Variants in BRIP1 observed in about 807,000 individuals in gnomAD.
The protein encoded by BRIP1 is BRCA1 interacting DNA helicase 1.
Under a neutral mutation model 119.7 loss-of-function variants are expected in BRIP1, and 88 were observed. That is an observed-to-expected ratio of 0.74 (90% CI 0.62 to 0.88). The LOEUF (loss-of-function observed/expected upper bound fraction) is 0.88, where lower values mean the gene tolerates loss of function less well. Among genes scored for constraint, BRIP1 ranks in the 40% least tolerant of loss-of-function variants. The probability of loss-of-function intolerance (pLI) is 0.00; values close to 1 mark genes in which losing one functional copy is unlikely to be tolerated. For missense variants in BRIP1, 1,259 were observed against 1,455.4 expected (o/e 0.87, Z 2.20); for synonymous variants, 443 against 496.5 (o/e 0.89, Z 1.43).
chr17:61,794,486 T>C lies in BRIP1; in HGVS notation c.1341-757A>G, dbSNP rs1045116488. On this transcript the variant is annotated intron_variant, in intron 9 of 19. Transcript: ENST00000259008. This position sits in a 1 kb window ranked among gnomAD's most constrained non-coding sequence, Gnocchi z 4.3. ...TCACTTATAAGTGAGAGCTAAATGA[T>C]GAGACCACATGGACAAGAGGGGAAC... Among the ~76,000 whole-genome samples, 2 of 152,042 alleles carry C rather than the reference T, an allele frequency of 1.3e-5. No individual in the cohort carries two copies. Among genetic ancestry groups the C allele is most frequent in the African/African-American group, 2.4e-5 (1 of 41,390 alleles).
chr17:61,782,608 A>G (rs1377844261), intron 11 of BRIP1, among the ~76,000 whole-genome samples: 2 of 152,158 alleles, frequency 1.3e-5, no homozygotes, highest in Non-Finnish European at 2.9e-5. Context: ...TAAAGTATAT[A>G]TCTCTTACAG....
chr17:61,688,754 TA>T (rs200908748), intron 18 of BRIP1, among the ~76,000 whole-genome samples: 1,908 of 120,706 alleles, frequency 0.016, 32 homozygotes, highest in African/African-American at 0.046. Flanking sequence ...AACCAACCCT[TA>T]AAAAAAAAAA....
intron 10 of BRIP1, among the ~76,000 whole-genome samples, chr17:61,786,513 T>C (rs946786031): frequency 6.7e-6 from 1 of 150,368 alleles, no homozygotes; most frequent in African/African-American, 2.4e-5. Context: ...ATATTGATAA[T>C]CATAATGATG....
rs1555572681 is a variant in BRIP1, at chr17:61,683,706, G to A, written c.3340C>T (p.Gln1114Ter). ...ELSLVSEEDK[Q>*]STSNRDFETE... ...TCAAAATCTCTATTTGAAGTGGACT[G>A]TTTATCTTCTTCACTTACTAGAGAC... The change falls in exon 20 of 20, where the codon CAG (glutamine) becomes TAG (stop). Residue 1114 changes from glutamine to a stop codon, truncating the protein, a stop_gained. Transcript: ENST00000259008. LOFTEE classifies it low-confidence loss of function (END_TRUNC). The surrounding 1 kb of genome is among the most constrained non-coding windows in gnomAD (Gnocchi z 4.7). 1 of 1,613,942 alleles carries A rather than the reference G, an allele frequency of 6.2e-7. No individual in the cohort carries two copies. The highest frequency in any genetic ancestry group is 8.5e-7 in the Non-Finnish European group (1 of 1,179,932).
chr17:61,716,100 T>G, intron 16 of BRIP1, 37 bp from the exon 17 acceptor site: 2 of 1,227,280 alleles, frequency 1.6e-6, no homozygotes, highest in East Asian at 5.2e-5. Context: ...AATTAGTAGA[T>G]AATTAAAGCT....
Position 61,720,021 on chromosome 17 carries a change from A to C in BRIP1, c.2380-3958T>G, listed in dbSNP as rs1281484868. On this transcript the variant is annotated intron_variant, in intron 16 of 19. Coordinates refer to ENST00000259008, the MANE Select transcript of BRIP1 (RefSeq NM_032043.3). This position sits in a 1 kb window ranked among gnomAD's most constrained non-coding sequence, Gnocchi z 4.3. ...TTTTTTTCTTTTTTAATTTTTATAG[A>C]GATGGATTCTTGCTATGTTGCCTAT... Among the ~76,000 whole-genome samples the C allele has an allele frequency of 6.6e-6, 1 of 151,976 alleles. No individual in the cohort carries two copies. The highest frequency in any genetic ancestry group is 1.5e-5 in the Non-Finnish European group (1 of 67,998).
At chr17:61,697,006 G>GAA (rs2061534624) in intron 17 of BRIP1, among the ~76,000 whole-genome samples, 2 of 78,018 alleles carry the variant, frequency 2.6e-5, no homozygotes, top group South Asian at 3.5e-4. Flanking sequence ...AAAAAAAAGG[G>GAA]GGGGGGAAGT....
At position 61,774,791 on chromosome 17, in the gene BRIP1, CA is replaced by C. The variant is rs2077509698; in HGVS notation, c.2097+1609del. ...TCTATTCATTTTGCTAATATATATACAGTCACTAAAAAGTTATTTCAATGTT... is the reference window on the plus strand; with the variant it reads ...TCTATTCATTTTGCTAATATATATACGTCACTAAAAAGTTATTTCAATGTT... On this transcript the variant is annotated intron_variant, in intron 14 of 19. Transcript: ENST00000259008. This position sits in a 1 kb window ranked among gnomAD's most constrained non-coding sequence, Gnocchi z 5.8. 6.6e-6 allele frequency among the ~76,000 whole-genome samples: 1 copy of C among 152,080 alleles called. No homozygotes were observed. Among genetic ancestry groups the C allele is most frequent in the Non-Finnish European group, 1.5e-5 (1 of 68,018 alleles).
intron 6 of BRIP1, among the ~76,000 whole-genome samples, chr17:61,812,539 G>C (rs1489909433): frequency 6.6e-6 from 1 of 151,402 alleles, no homozygotes; most frequent in Admixed American, 6.6e-5. Flanking sequence ...ACTGTTCAGA[G>C]TCCTTTTACT....
At position 61,846,571 on chromosome 17, in the gene BRIP1, G is replaced by C. The variant is rs1390584887; in HGVS notation, c.627+530C>G. On this transcript the variant is annotated intron_variant, in intron 6 of 19. Transcript: ENST00000259008. The surrounding 1 kb of genome is among the most constrained non-coding windows in gnomAD (Gnocchi z 4.3). ...CCGGCTAATTTTTGTATTTTTTGTA[G>C]AATCAGGGTTTCGCCATGTTGCCCA... is the stretch of plus-strand genomic sequence containing the variant. Among the ~76,000 whole-genome samples the C allele has an allele frequency of 6.6e-6, 1 of 152,032 alleles. No individual in the cohort carries two copies. Among genetic ancestry groups the C allele is most frequent in the Non-Finnish European group, 1.5e-5 (1 of 67,998 alleles).
At position 61,738,688 on chromosome 17, in the gene BRIP1, T is replaced by C. The variant is rs950357240; in HGVS notation, c.2379+4325A>G. Among the ~76,000 whole-genome samples the C allele has an allele frequency of 1.3e-5, 2 of 152,168 alleles. No homozygotes were observed. Among genetic ancestry groups the C allele is most frequent in the African/African-American group, 2.4e-5 (1 of 41,446 alleles). ...AAAATCATAGCTGTTGAGGCAAAGG[T>C]GGAGAAAAGAGAAATGGAATTTTCT... is the stretch of plus-strand genomic sequence containing the variant. On this transcript the variant is annotated intron_variant, in intron 16 of 19. Transcript: ENST00000259008. This position sits in a 1 kb window ranked among gnomAD's most constrained non-coding sequence, Gnocchi z 4.2.
chr17:61,698,706 T>G (rs1193490466), intron 17 of BRIP1, among the ~76,000 whole-genome samples: 1 of 151,960 alleles, frequency 6.6e-6, no homozygotes, highest in Non-Finnish European at 1.5e-5. Flanking sequence ...GTTATTTTTT[T>G]TTATTTTTTA....
intron 10 of BRIP1, among the ~76,000 whole-genome samples, chr17:61,791,488 C>CAAAAAAA (rs529710126): frequency 0.41 from 21,343 of 52,452 alleles, 7,466 homozygotes; most frequent in African/African-American, 0.65. Flanking sequence ...GACTTCATCT[C>CAAAAAAA]AAAAAAAAAA....
intron 8 of BRIP1, among the ~76,000 whole-genome samples, chr17:61,800,187 T>C (rs1419329962): frequency 6.6e-6 from 1 of 152,114 alleles, no homozygotes; most frequent in East Asian, 1.9e-4. Context: ...TCTTAAGCAT[T>C]TTTTAGGGTA....
chr17:61,712,750 A>G (rs2061797997), intron 17 of BRIP1, among the ~76,000 whole-genome samples: 1 of 152,016 alleles, frequency 6.6e-6, no homozygotes, highest in African/African-American at 2.4e-5. Flanking sequence ...CTAAGAATAC[A>G]AAAATTAGCC....
intron 13 of BRIP1, among the ~76,000 whole-genome samples, chr17:61,777,615 T>C (rs1370859951): frequency 6.6e-6 from 1 of 152,068 alleles, no homozygotes; most frequent in Non-Finnish European, 1.5e-5. Flanking sequence ...AGGGACACAT[T>C]TACCTACACT....
Position 61,774,925 on chromosome 17 carries a change from C to T in BRIP1, c.2097+1476G>A, listed in dbSNP as rs984422067. 1.3e-5 allele frequency among the ~76,000 whole-genome samples: 2 copies of T among 152,172 alleles called. No individual in the cohort carries two copies. The highest frequency in any genetic ancestry group is 2.9e-5 in the Non-Finnish European group (2 of 68,022). On this transcript the variant is annotated intron_variant, in intron 14 of 19. Transcript: ENST00000259008. The surrounding 1 kb of genome is among the most constrained non-coding windows in gnomAD (Gnocchi z 5.8). The stretch of plus-strand genomic sequence containing the variant: ...ATGTCACCCAGACATCTCCTATCTC[C>T]CTTTTTGTGACTATGACTGGAAAAT...
At position 61,709,315 on chromosome 17, in the gene BRIP1, T is replaced by C. The variant is rs953523056; in HGVS notation, c.2492+6636A>G. ...CTGTCTCCTCTCTCTCTTTGTAATA[T>C]TGTAGGTTTGACATTTTCATTTCTT... On this transcript the variant is annotated intron_variant, in intron 17 of 19. Transcript: ENST00000259008. The surrounding 1 kb of genome is among the most constrained non-coding windows in gnomAD (Gnocchi z 5.0). 1.3e-5 allele frequency among the ~76,000 whole-genome samples: 2 copies of C among 152,160 alleles called. No individual in the cohort carries two copies. Among genetic ancestry groups the C allele is most frequent in the South Asian group, 2.1e-4 (1 of 4,832 alleles).
At position 61,762,830 on chromosome 17, in the gene BRIP1, C is replaced by G. The variant is rs1264645895; in HGVS notation, c.2097+13571G>C. ...AACTGAATGGACATTACTCAAAACACTCAAAACAGAATTACCTTATGATCT... is the reference window on the plus strand; with the variant it reads ...AACTGAATGGACATTACTCAAAACAGTCAAAACAGAATTACCTTATGATCT... On this transcript the variant is annotated intron_variant, in intron 14 of 19. Transcript: ENST00000259008. This position sits in a 1 kb window ranked among gnomAD's most constrained non-coding sequence, Gnocchi z 4.3. Among the ~76,000 whole-genome samples the G allele has an allele frequency of 6.6e-6, 1 of 152,106 alleles. No homozygotes were observed. The highest frequency in any genetic ancestry group is 2.4e-5 in the African/African-American group (1 of 41,432).
Sources: gnomAD v4.1 joint callset for allele counts (sites outside exome capture counted in the v4.1 genomes callset) on GRCh38, gnomAD v4.1.1 for gene constraint, Gnocchi (gnomAD v3.1) non-coding constraint, MANE v1.5 for transcripts, NCBI Gene and HGNC (gene_info 2026-07-23, HGNC 2026-07-21) for gene names.